Variants in ELP4 observed in about 807,000 individuals in gnomAD.
ELP4 encodes the protein elongator complex protein 4.
ELP4 carries 51 observed loss-of-function variants against 48.9 expected under a neutral mutation model. That is an observed-to-expected ratio of 1.04 (90% confidence interval 0.83 to 1.32). ELP4 has a LOEUF of 1.32. Ranked by LOEUF, ELP4 falls within the 40% of genes most tolerant of loss-of-function variation. The pLI is 0.00. For synonymous variants in ELP4, 210 were observed against 189.2 expected (o/e 1.11, Z -0.90); for missense variants, 519 against 514.6 (o/e 1.01, Z -0.08).
chr11:31,686,249 T>G (rs2134130987), intron 9 of ELP4, among the ~76,000 whole-genome samples: 1 of 152,028 alleles, frequency 6.6e-6, no homozygotes, highest in Non-Finnish European at 1.5e-5. Flanking sequence ...TCTGGTCTGT[T>G]ATTATTTATC....
chr11:31,517,879 A>C (rs1431367201), intron 1 of ELP4, among the ~76,000 whole-genome samples: 1 of 152,006 alleles, frequency 6.6e-6, no homozygotes, highest in Non-Finnish European at 1.5e-5. Context: ...TGGCCTCCCA[A>C]AGTGCTGGGA....
At chr11:31,589,636 G>T (rs1181378645) in intron 3 of ELP4, among the ~76,000 whole-genome samples, 1 of 152,128 alleles carries the variant, frequency 6.6e-6, no homozygotes, top group Non-Finnish European at 1.5e-5. Context: ...ATTTCTGAAA[G>T]ATTATAAATT....
intron 3 of ELP4, among the ~76,000 whole-genome samples, chr11:31,593,735 A>T (rs1435292838): frequency 6.6e-6 from 1 of 152,194 alleles, no homozygotes; most frequent in South Asian, 2.1e-4. Flanking sequence ...CCACTGGAAA[A>T]TGAAGTTACT....
chr11:31,691,810 G>A (rs1287549620), intron 9 of ELP4, among the ~76,000 whole-genome samples: 1 of 152,090 alleles, frequency 6.6e-6, no homozygotes, highest in Non-Finnish European at 1.5e-5. Flanking sequence ...TTCCTAATTA[G>A]ATATCCCCAG....
chr11:31,790,115 A>AAAAAAC lies in ELP4; in HGVS notation c.*6592_*6597dup. ...AGGTTTACAAAAAAAAAAAAAAAAA[A>AAAAAAC]AAAAACTAATACTTTCTAACATTTT... On this transcript the variant is annotated 3_prime_UTR_variant, in exon 10 of 10. Transcript: ENST00000640961. 1.3e-6 allele frequency: 1 copy of AAAAAAC among 791,900 alleles called. No homozygotes were observed. Among genetic ancestry groups the AAAAAAC allele is most frequent in the Non-Finnish European group, 2.0e-6 (1 of 488,276 alleles). The allele number at this position is 791,900 out of a possible 1,614,324, so 49.1% of individuals were successfully genotyped here. A position where few individuals can be genotyped will look rare whatever the true frequency, so the allele number is the denominator to read the frequency against.
intron 9 of ELP4, among the ~76,000 whole-genome samples, chr11:31,660,708 G>C (rs563776666): frequency 4.6e-5 from 7 of 151,966 alleles, no homozygotes; most frequent in Non-Finnish European, 7.4e-5. Context: ...CAGTGATAGT[G>C]TTCAACTCTC....
intron 5 of ELP4, among the ~76,000 whole-genome samples, chr11:31,610,630 T>C (rs1957961911): frequency 6.6e-6 from 1 of 152,112 alleles, no homozygotes; most frequent in African/African-American, 2.4e-5. Context: ...TTTCAACATT[T>C]CACTTAGGAG....
chr11:31,585,846 G>A (rs934306412), intron 3 of ELP4, among the ~76,000 whole-genome samples: 1 of 152,006 alleles, frequency 6.6e-6, no homozygotes, highest in African/African-American at 2.4e-5. Context: ...TAATCCCAGA[G>A]CTTTGGGAGG....
chr11:31,676,928 C>T (rs1344143650), intron 9 of ELP4, among the ~76,000 whole-genome samples: 4 of 152,078 alleles, frequency 2.6e-5, no homozygotes, highest in Non-Finnish European at 4.4e-5. Flanking sequence ...TTTTTTAAAA[C>T]CATGTACCTC....
At chr11:31,737,363 A>T (rs1947342925) in intron 9 of ELP4, among the ~76,000 whole-genome samples, 1 of 152,148 alleles carries the variant, frequency 6.6e-6, no homozygotes, top group Non-Finnish European at 1.5e-5. Flanking sequence ...GATATACCTA[A>T]TGCTAAATGA....
intron 9 of ELP4, chr11:31,763,470 C>T (rs766382676): frequency 6.2e-7 from 1 of 1,611,018 alleles, no homozygotes; most frequent in South Asian, 1.1e-5. Flanking sequence ...GCTTCTCATA[C>T]TTACTCAAGC....
At chr11:31,561,182 A>G (rs1235218515) in intron 3 of ELP4, among the ~76,000 whole-genome samples, 4 of 152,308 alleles carry the variant, frequency 2.6e-5, no homozygotes, top group African/African-American at 7.2e-5. Flanking sequence ...GCTCTTAACT[A>G]TAGAATTATT....
intron 7 of ELP4, among the ~76,000 whole-genome samples, chr11:31,636,939 A>C (rs568607692): frequency 2.0e-4 from 31 of 152,116 alleles, no homozygotes; most frequent in African/African-American, 7.2e-4. Context: ...TTGAAGTAAT[A>C]TTATTACTCA....
intron 9 of ELP4, among the ~76,000 whole-genome samples, chr11:31,780,920 C>G (rs116351089): frequency 2.4e-4 from 37 of 152,320 alleles, no homozygotes; most frequent in African/African-American, 8.9e-4. Flanking sequence ...TTCTTCATGT[C>G]AGAATCCAGT....
At position 31,640,539 on chromosome 11, in the gene ELP4, T is replaced by C. The variant is rs1307465528; in HGVS notation, c.928-7202T>C. ...TATTAATTACATTATTATTGCTATATGAAGAGTTCTTGCTTCTTTAATAAT... is the reference window on the plus strand; with the variant it reads ...TATTAATTACATTATTATTGCTATACGAAGAGTTCTTGCTTCTTTAATAAT... On this transcript the variant is annotated intron_variant, in intron 7 of 9. Coordinates refer to ENST00000640961, the MANE Select transcript of ELP4 (RefSeq NM_019040.5). Among the ~76,000 whole-genome samples the C allele has an allele frequency of 3.3e-5, 5 of 151,986 alleles. No homozygotes were observed. The East Asian group carries it at 9.7e-4, about 29-fold the overall frequency.
intron 3 of ELP4, among the ~76,000 whole-genome samples, chr11:31,583,069 A>AG (rs1385658425): frequency 6.6e-6 from 1 of 152,042 alleles, no homozygotes; most frequent in Non-Finnish European, 1.5e-5. Context: ...TAGTTGGTGG[A>AG]GGTAGGGGTG....
At chr11:31,717,689 G>T (rs963655370) in intron 9 of ELP4, among the ~76,000 whole-genome samples, 10 of 151,884 alleles carry the variant, frequency 6.6e-5, no homozygotes, top group Non-Finnish European at 1.0e-4. Context: ...AGGAGGCGGT[G>T]GTTGCAATGA....
At chr11:31,744,249 A>C (rs1446029559) in intron 9 of ELP4, among the ~76,000 whole-genome samples, 1 of 152,212 alleles carries the variant, frequency 6.6e-6, no homozygotes, top group East Asian at 1.9e-4. Flanking sequence ...GGCAATAATC[A>C]ATAGCTTACC....
chr11:31,621,754 A>T (rs907682386), intron 5 of ELP4, among the ~76,000 whole-genome samples: 1 of 151,990 alleles, frequency 6.6e-6, no homozygotes, highest in African/African-American at 2.4e-5. Flanking sequence ...TCCTAAAACT[A>T]TGCACCTGAA....
Sources: allele counts gnomAD v4.1 joint callset (sites outside exome capture counted in the v4.1 genomes callset), GRCh38; gene constraint gnomAD v4.1.1; transcripts MANE v1.5; gene names NCBI Gene and HGNC (gene_info 2026-07-23, HGNC 2026-07-21).